Variants in GRM1 observed in about 807,000 individuals in gnomAD.
GRM1 encodes glutamate metabotropic receptor 1, also known as metabotropic glutamate receptor 1.
Under a neutral mutation model 90.9 loss-of-function variants are expected in GRM1, and 33 were observed. That is an observed-to-expected ratio of 0.36 (90% CI 0.28 to 0.49). GRM1 has a LOEUF of 0.49. GRM1 is among the 20% of genes least tolerant of loss of function. The pLI is 0.99. For missense variants in GRM1, 1,190 were observed against 1,534.3 expected (o/e 0.78, Z 3.75); for synonymous variants, 700 against 613.2 (o/e 1.14, Z -2.09).
chr6:146,368,840 A>G (rs1775796546), intron 5 of GRM1, among the ~76,000 whole-genome samples: 1 of 152,134 alleles, frequency 6.6e-6, no homozygotes, highest in South Asian at 2.1e-4. Context: ...TGGTTTTTGT[A>G]TCAGGATAAT....
chr6:146,050,840 T>A (rs1791498472), intron 1 of GRM1, among the ~76,000 whole-genome samples: 1 of 152,068 alleles, frequency 6.6e-6, no homozygotes, highest in Non-Finnish European at 1.5e-5. Flanking sequence ...GGAATTCCGG[T>A]ATTAGGCTCA....
chr6:146,196,380 C>A (rs947574749), intron 2 of GRM1, among the ~76,000 whole-genome samples: 6 of 151,434 alleles, frequency 4.0e-5, no homozygotes, highest in African/African-American at 1.5e-4. Context: ...CCCCACCTCC[C>A]AGGTTCACAT....
At chr6:146,250,888 G>T (rs1781245681) in intron 2 of GRM1, among the ~76,000 whole-genome samples, 1 of 152,164 alleles carries the variant, frequency 6.6e-6, no homozygotes, top group Non-Finnish European at 1.5e-5. Flanking sequence ...TTACATAAAG[G>T]TGAGAAAAAT....
At chr6:146,126,121 G>A (rs1776189923) in intron 1 of GRM1, among the ~76,000 whole-genome samples, 1 of 151,894 alleles carries the variant, frequency 6.6e-6, no homozygotes, top group African/African-American at 2.4e-5. Flanking sequence ...ATACCAACAA[G>A]GATCAAACGT....
intron 1 of GRM1, among the ~76,000 whole-genome samples, chr6:146,093,931 A>G (rs907616395): frequency 6.6e-6 from 1 of 152,126 alleles, no homozygotes; most frequent in Non-Finnish European, 1.5e-5. Flanking sequence ...CTCAGAGTTC[A>G]TATCATATCA....
chr6:146,415,568 A>T (rs1480107476), intron 7 of GRM1, among the ~76,000 whole-genome samples: 3 of 152,150 alleles, frequency 2.0e-5, no homozygotes, highest in Admixed American at 1.3e-4. Flanking sequence ...CCATGTATTC[A>T]TCTATCTTTT....
intron 1 of GRM1, among the ~76,000 whole-genome samples, chr6:146,091,620 G>A (rs1776719301): frequency 6.6e-6 from 1 of 152,064 alleles, no homozygotes; most frequent in African/African-American, 2.4e-5. Context: ...ACTGGCTGGA[G>A]CTGAAGTTTT....
intron 2 of GRM1, among the ~76,000 whole-genome samples, chr6:146,163,137 G>A (rs1345360219): frequency 2.0e-5 from 3 of 152,210 alleles, no homozygotes; most frequent in Admixed American, 6.5e-5. Context: ...GTCAGTATTA[G>A]GATAAATCTG....
At chr6:146,318,848 TG>T (rs764280713) in intron 3 of GRM1, among the ~76,000 whole-genome samples, 16 of 152,176 alleles carry the variant, frequency 1.1e-4, no homozygotes, top group African/African-American at 1.4e-4. Context: ...TTGATGGGGT[TG>T]TTTTTTTCTT....
chr6:146,147,884 A>C (rs560678546), intron 1 of GRM1, among the ~76,000 whole-genome samples: 1 of 152,370 alleles, frequency 6.6e-6, no homozygotes, highest in East Asian at 1.9e-4. Flanking sequence ...ACTTAAAAAA[A>C]GAAAGAAAGA....
chr6:146,194,396 T>A (rs1779045108), intron 2 of GRM1, among the ~76,000 whole-genome samples: 1 of 152,206 alleles, frequency 6.6e-6, no homozygotes, highest in Non-Finnish European at 1.5e-5. Context: ...AATGACTTAA[T>A]ATCCAGCTAA....
chr6:146,175,893 G>C (rs1778322761), intron 2 of GRM1, among the ~76,000 whole-genome samples: 2 of 152,100 alleles, frequency 1.3e-5, no homozygotes, highest in Admixed American at 1.3e-4. Context: ...TACTCGGGTT[G>C]TCTAAACCTG....
chr6:146,342,914 T>A (rs190336789), intron 3 of GRM1, among the ~76,000 whole-genome samples: 1 of 152,362 alleles, frequency 6.6e-6, no homozygotes, highest in African/African-American at 2.4e-5. Context: ...TCATAGTTAA[T>A]GAACCAACAT....
chr6:146,243,641 G>A (rs189193740), intron 2 of GRM1, among the ~76,000 whole-genome samples: 4 of 152,210 alleles, frequency 2.6e-5, no homozygotes. Flanking sequence ...AATGGAGGCA[G>A]GGCGAGATCA....
chr6:146,360,626 G>C (rs1338901821), intron 5 of GRM1, among the ~76,000 whole-genome samples: 1 of 152,164 alleles, frequency 6.6e-6, no homozygotes, highest in African/African-American at 2.4e-5. Flanking sequence ...TGAAGTGGGA[G>C]AGTGAGGGCA....
chr6:146,069,741 C>T (rs1432367732), intron 1 of GRM1, among the ~76,000 whole-genome samples: 1 of 152,146 alleles, frequency 6.6e-6, no homozygotes, highest in Non-Finnish European at 1.5e-5. Flanking sequence ...ACTGGAAAGC[C>T]AATGAAGCAA....
Position 146,240,387 on chromosome 6 carries a change from G to A in GRM1, c.951-64224G>A, listed in dbSNP as rs185951367. 2.6e-3 allele frequency among the ~76,000 whole-genome samples: 398 copies of A among 151,962 alleles called. 4 individuals are homozygous for A. The highest frequency in any genetic ancestry group is 8.8e-3 in the African/African-American group (364 of 41,448). ...AAGGGAACCACCGAGAAACTGTGAGGCAAGGCAGGGTTACCAGACCAAGGG... is the reference window on the plus strand; with the variant it reads ...AAGGGAACCACCGAGAAACTGTGAGACAAGGCAGGGTTACCAGACCAAGGG... On this transcript the variant is annotated intron_variant, in intron 2 of 7. Coordinates refer to ENST00000282753, the MANE Select transcript of GRM1 (RefSeq NM_001278064.2).
At chr6:146,356,742 T>C (rs996005514) in intron 4 of GRM1, among the ~76,000 whole-genome samples, 5 of 152,186 alleles carry the variant, frequency 3.3e-5, no homozygotes, top group Admixed American at 2.6e-4. Flanking sequence ...AGCTTGTACA[T>C]TCTGATGTTA....
chr6:146,249,255 C>G (rs1422034381), intron 2 of GRM1, among the ~76,000 whole-genome samples: 5 of 152,114 alleles, frequency 3.3e-5, no homozygotes, highest in Admixed American at 3.3e-4. Context: ...ATAGCCAAGA[C>G]AATGGGGAAA....
Sources: allele counts gnomAD v4.1 joint callset (sites outside exome capture counted in the v4.1 genomes callset), GRCh38; gene constraint gnomAD v4.1.1; transcripts MANE v1.5; gene names NCBI Gene and HGNC (gene_info 2026-07-23, HGNC 2026-07-21).